MXI1: variants seen among roughly 807,000 people sequenced by gnomAD.
The protein encoded by MXI1 is max-interacting protein 1.
In MXI1, 18 loss-of-function variants were observed where a neutral mutation model predicts 36.9. The ratio of observed to expected loss-of-function variants is 0.49; its 90% confidence interval spans 0.34 to 0.72. The LOEUF (loss-of-function observed/expected upper bound fraction) is 0.72, where lower values mean the gene tolerates loss of function less well. Among genes scored for constraint, MXI1 ranks in the 30% least tolerant of loss-of-function variants. The pLI is 0.01. For synonymous variants in MXI1, 160 were observed against 146.7 expected (o/e 1.09, Z -0.65); for missense variants, 304 against 379.1 (o/e 0.80, Z 1.64).
chr10:110,234,009 G>T (rs1354407511), intron 2 of MXI1, among the ~76,000 whole-genome samples: 1 of 152,128 alleles, frequency 6.6e-6, no homozygotes, highest in African/African-American at 2.4e-5. Context: ...ACAATTCTCT[G>T]ATTTATGAAG....
chr10:110,270,811 C>T (rs1466072238), intron 3 of MXI1, among the ~76,000 whole-genome samples: 1 of 152,044 alleles, frequency 6.6e-6, no homozygotes, highest in African/African-American at 2.4e-5. Flanking sequence ...AGGTGTTGGC[C>T]GGTTGCGGTG....
At chr10:110,244,231 T>C (rs760367632) in intron 2 of MXI1, among the ~76,000 whole-genome samples, 10 of 152,102 alleles carry the variant, frequency 6.6e-5, no homozygotes, top group Admixed American at 1.3e-4. Context: ...TTATCCAGTC[T>C]TGTAAAACAC....
At chr10:110,226,770 G>A in intron 1 of MXI1, among the ~76,000 whole-genome samples, 1 of 27,672 alleles carries the variant, frequency 3.6e-5, no homozygotes, top group Admixed American at 2.9e-4. Context: ...CGTGAGGGGA[G>A]GGGCGTATGA....
At chr10:110,276,949 G>A (rs546205509) in intron 3 of MXI1, among the ~76,000 whole-genome samples, 2 of 151,526 alleles carry the variant, frequency 1.3e-5, no homozygotes, top group East Asian at 1.9e-4. Flanking sequence ...GGGTTCAAGC[G>A]ATTGTTGTGC....
chr10:110,220,628 C>G (rs887035900), intron 1 of MXI1, among the ~76,000 whole-genome samples: 2 of 152,178 alleles, frequency 1.3e-5, no homozygotes, highest in African/African-American at 4.8e-5. Flanking sequence ...GGGAGGGTTA[C>G]CCAGGGCTTT....
At chr10:110,253,373 A>T (rs944502172) in intron 3 of MXI1, among the ~76,000 whole-genome samples, 1 of 151,998 alleles carries the variant, frequency 6.6e-6, no homozygotes, top group Non-Finnish European at 1.5e-5. Flanking sequence ...TTTATGACTG[A>T]GGGTTAGGCA....
Position 110,228,310 on chromosome 10 carries a change from C to G in MXI1, c.396C>G (p.Ser132Arg). ...QKHSSGSSNT[S>R]TANRSTHNEL... ...ACAGCAGCGGGAGCAGCAACACCAG[C>G]ACTGCCAACAGGTAGCAAGCTGGGA... The change falls in exon 2 of 6, where the codon AGC becomes AGG. Residue 132 changes from serine to arginine, a missense_variant. Ser to Arg is a moderately radical substitution (Grantham distance 110, BLOSUM62 -1). Transcript: ENST00000332674. 1 of 1,614,146 alleles carries G rather than the reference C, an allele frequency of 6.2e-7. No homozygotes were observed. Among genetic ancestry groups the G allele is most frequent in the East Asian group, 2.2e-5 (1 of 44,874 alleles).
chr10:110,223,621 C>G (rs1002381794), intron 1 of MXI1, among the ~76,000 whole-genome samples: 4 of 151,964 alleles, frequency 2.6e-5, no homozygotes, highest in African/African-American at 9.7e-5. Flanking sequence ...CTACCCTCAA[C>G]TAACAGATGT....
intron 3 of MXI1, among the ~76,000 whole-genome samples, chr10:110,248,211 G>T (rs1368427898): frequency 6.6e-6 from 1 of 152,178 alleles, no homozygotes; most frequent in Non-Finnish European, 1.5e-5. Context: ...GGTGGAAGTG[G>T]GGAGGGATAG....
At chr10:110,270,271 T>C (rs780090817) in intron 3 of MXI1, among the ~76,000 whole-genome samples, 9 of 152,252 alleles carry the variant, frequency 5.9e-5, no homozygotes, top group Non-Finnish European at 1.2e-4. Flanking sequence ...CAAGTTTTTC[T>C]TTTTAACTAA....
At chr10:110,231,758 A>C (rs1240299447) in intron 2 of MXI1, among the ~76,000 whole-genome samples, 1 of 152,154 alleles carries the variant, frequency 6.6e-6, no homozygotes, top group African/African-American at 2.4e-5. Context: ...CAGCTTCTTT[A>C]CTATTTGGTA....
chr10:110,284,927 G>A lies in MXI1; in HGVS notation c.828G>A (p.Pro276=), dbSNP rs767851111. 2.1e-5 allele frequency: 34 copies of A among 1,613,838 alleles called. No homozygotes were observed. Among genetic ancestry groups the A allele is most frequent in the Non-Finnish European group, 2.5e-5 (29 of 1,179,998 alleles). ...ACATTGATGACCACAGCAGCCTGCC[G>A]AGTATTGGGAGTGACGAGGGTTACT... ...ISDIDDHSSL[P]SIGSDEGYSS... The change falls in exon 6 of 6, where the codon CCG becomes CCA. Residue 276 remains proline (P), a synonymous_variant. Coordinates refer to ENST00000332674, the MANE Select transcript of MXI1 (RefSeq NM_130439.3).
chr10:110,234,784 C>T (rs1044942317), intron 2 of MXI1, among the ~76,000 whole-genome samples: 17 of 152,058 alleles, frequency 1.1e-4, no homozygotes, highest in African/African-American at 2.9e-4. Context: ...TTTTTAACTT[C>T]GAGAATATGT....
intron 3 of MXI1, among the ~76,000 whole-genome samples, chr10:110,250,886 A>C (rs1856057096): frequency 6.6e-6 from 1 of 150,792 alleles, no homozygotes; most frequent in Admixed American, 6.6e-5. Context: ...CAAGAACCTT[A>C]GTGCTGACTG....
rs541719578 is a variant in MXI1, at chr10:110,225,564, G to A, written c.275-2625G>A. ...CAGATGAGCAAACTGAGGCACATAA[G>A]TTACATGAGAAAGTAGGAGATAGAG... On this transcript the variant is annotated intron_variant, in intron 1 of 5. Coordinates refer to ENST00000332674, the MANE Select transcript of MXI1 (RefSeq NM_130439.3). 2.6e-5 allele frequency among the ~76,000 whole-genome samples: 4 copies of A among 152,312 alleles called. No homozygotes were observed. The East Asian group carries it at 7.7e-4, about 29-fold the overall frequency.
intron 3 of MXI1, among the ~76,000 whole-genome samples, chr10:110,255,886 T>C (rs1234997254): frequency 6.6e-6 from 1 of 152,134 alleles, no homozygotes; most frequent in Non-Finnish European, 1.5e-5. Context: ...AAGAATAAAG[T>C]TGGAGAGCTT....
intron 3 of MXI1, among the ~76,000 whole-genome samples, chr10:110,251,010 TAAAAAAAAAAAAA>T (rs60315131): frequency 4.4e-4 from 24 of 54,978 alleles, no homozygotes; most frequent in Non-Finnish European, 6.9e-4. Context: ...AAGTATTTGT[TAAAAAAAAAAAAA>T]AAAAAAAAAA....
rs1475502 is a variant in MXI1, at chr10:110,207,797, C to T, written c.-12C>T. The T allele has an allele frequency of 0.074, 83,304 of 1,127,000 alleles. 3,592 individuals are homozygous for T. The highest frequency in any genetic ancestry group is 0.17 in the Middle Eastern group (437 of 2,620). The allele number at this position is 1,127,000 out of a possible 1,614,324, so 69.8% of individuals were successfully genotyped here. A position where few individuals can be genotyped will look rare whatever the true frequency, so the allele number is the denominator to read the frequency against. On this transcript the variant is annotated 5_prime_UTR_variant, in exon 1 of 6. Transcript: ENST00000332674. ...CCGTTAGAGGACGAGCTCGGCGGACCCCCGCTCCTCCATGGGCAAACGCGG... is the reference window on the plus strand; with the variant it reads ...CCGTTAGAGGACGAGCTCGGCGGACTCCCGCTCCTCCATGGGCAAACGCGG...
chr10:110,266,533 A>G (rs1856683153), intron 3 of MXI1, among the ~76,000 whole-genome samples: 1 of 152,170 alleles, frequency 6.6e-6, no homozygotes, highest in Non-Finnish European at 1.5e-5. Context: ...AAAAGCCTCA[A>G]CTGGGACAGA....
Sources: gnomAD v4.1 joint callset for allele counts (sites outside exome capture counted in the v4.1 genomes callset) on GRCh38, gnomAD v4.1.1 for gene constraint, MANE v1.5 for transcripts, NCBI Gene and HGNC (gene_info 2026-07-23, HGNC 2026-07-21) for gene names.